The following LIMS1 variants were observed in gnomAD, a reference collection of about 807,000 sequenced individuals.
The protein encoded by LIMS1 is LIM and senescent cell antigen-like-containing domain protein 1.
A neutral mutation model predicts 44.1 loss-of-function variants in LIMS1; 18 were observed. That is an observed-to-expected ratio of 0.41 (90% CI 0.28 to 0.61). LIMS1 has a LOEUF of 0.61. LIMS1 is among the 20% of genes least tolerant of loss of function. LIMS1 has a pLI of 0.32. For missense variants in LIMS1, 201 were observed against 422.0 expected (o/e 0.48, Z 4.59); for synonymous variants, 93 against 149.1 (o/e 0.62, Z 2.74).
At chr2:108,674,573 T>C (rs1692382930) in intron 5 of LIMS1, among the ~76,000 whole-genome samples, 1 of 150,424 alleles carries the variant, frequency 6.6e-6, no homozygotes, top group South Asian at 2.1e-4. Flanking sequence ...ATAAAAAAAT[T>C]AGCCAGGCGT....
chr2:108,602,371 AG>A lies in LIMS1; in HGVS notation c.33-57233del, dbSNP rs1324042376. Among the ~76,000 whole-genome samples, 6 of 152,338 alleles carry A rather than the reference AG, an allele frequency of 3.9e-5. No individual in the cohort carries two copies. In the East Asian group the frequency reaches 9.6e-4, roughly 24 times the overall value. On this transcript the variant is annotated intron_variant, in intron 1 of 9. Coordinates refer to ENST00000544547, the Ensembl canonical transcript of LIMS1. ...AAAGTGGGCATCCTTGTCGTGTTCCAGATTTTAGAGCAAAGGCTTTCAGTTT... is the reference window on the plus strand; with the variant it reads ...AAAGTGGGCATCCTTGTCGTGTTCCAATTTTAGAGCAAAGGCTTTCAGTTT...
intron 1 of LIMS1, among the ~76,000 whole-genome samples, chr2:108,646,958 T>C: frequency 6.6e-6 from 1 of 152,264 alleles, no homozygotes; most frequent in Non-Finnish European, 1.5e-5. Flanking sequence ...CCTGATCTCG[T>C]GATCCGCCCG....
chr2:108,633,746 G>A (rs773837008), intron 1 of LIMS1, among the ~76,000 whole-genome samples: 10 of 152,218 alleles, frequency 6.6e-5, no homozygotes, highest in Non-Finnish European at 1.2e-4. Context: ...AATCCCTGGC[G>A]ACAGTGCTGT....
chr2:108,662,302 G>C, intron 2 of LIMS1: 1 of 1,611,930 alleles, frequency 6.2e-7, no homozygotes. Context: ...CCGCATTTAG[G>C]CCCTGTCAGC....
intron 1 of LIMS1, among the ~76,000 whole-genome samples, chr2:108,618,388 C>T (rs1688042494): frequency 6.6e-6 from 1 of 152,138 alleles, no homozygotes; most frequent in Non-Finnish European, 1.5e-5. Context: ...TAGATGGGGA[C>T]TCCTCCCTGT....
chr2:108,677,463 C>G (rs1424987153), intron 7 of LIMS1: 1 of 160,374 alleles, frequency 6.2e-6, no homozygotes, highest in Non-Finnish European at 1.3e-5. Context: ...CTGATAACAT[C>G]ACTGTGAATT....
intron 2 of LIMS1, 155 bp downstream of exon 2, chr2:108,659,919 G>A: frequency 5.0e-6 from 4 of 795,092 alleles, no homozygotes; most frequent in South Asian, 3.5e-5. Flanking sequence ...GAGGTCAGAG[G>A]TGGCATCTCT....
At chr2:108,644,670 G>T (rs1188849247) in intron 1 of LIMS1, among the ~76,000 whole-genome samples, 1 of 152,114 alleles carries the variant, frequency 6.6e-6, no homozygotes, top group Non-Finnish European at 1.5e-5. Flanking sequence ...ACAGGAGTAG[G>T]CTTCAGAAGG....
At chr2:108,596,695 T>C (rs1476037243) in intron 1 of LIMS1, among the ~76,000 whole-genome samples, 4 of 152,246 alleles carry the variant, frequency 2.6e-5, no homozygotes, top group Non-Finnish European at 5.9e-5. Flanking sequence ...TGGTGGTGCA[T>C]GCCTGTAATC....
At chr2:108,665,540 T>A (rs930662356) in intron 2 of LIMS1, among the ~76,000 whole-genome samples, 1 of 152,168 alleles carries the variant, frequency 6.6e-6, no homozygotes, top group Non-Finnish European at 1.5e-5. Context: ...TTATTTATTT[T>A]TTTTGAGACA....
At chr2:108,590,061 G>A (rs1022633901) in intron 1 of LIMS1, among the ~76,000 whole-genome samples, 1 of 152,114 alleles carries the variant, frequency 6.6e-6, no homozygotes, top group Non-Finnish European at 1.5e-5. Context: ...TTTATTAAGG[G>A]GTGATTATTT....
chr2:108,644,467 G>A (rs943352477), intron 1 of LIMS1, among the ~76,000 whole-genome samples: 10 of 152,198 alleles, frequency 6.6e-5, no homozygotes, highest in South Asian at 2.1e-4. Context: ...CAAAAATGAC[G>A]TCCACTCAGA....
chr2:108,539,979 C>T (rs1396123720), intron 1 of LIMS1, among the ~76,000 whole-genome samples: 2 of 151,392 alleles, frequency 1.3e-5, no homozygotes, highest in Non-Finnish European at 2.9e-5. Context: ...CCTTTTCACC[C>T]TGGTTCTGAA....
At chr2:108,620,080 T>C (rs997390192) in intron 1 of LIMS1, among the ~76,000 whole-genome samples, 1 of 152,226 alleles carries the variant, frequency 6.6e-6, no homozygotes, top group Admixed American at 6.5e-5. Flanking sequence ...TCATTTGTTT[T>C]TCCTGGGGCC....
rs199997523 is a variant in LIMS1 at position 108,591,460 on chromosome 2, T to A, written c.32+56866T>A. 1.1e-4 allele frequency among the ~76,000 whole-genome samples: 17 copies of A among 151,708 alleles called. No individual in the cohort carries two copies. In the East Asian group the frequency reaches 1.2e-3, roughly 10 times the overall value. On this transcript the variant is annotated intron_variant, in intron 1 of 9. Transcript: ENST00000544547. ...AGGAAGCCTTCAGTGAAACTTTTTTTAAAAAAAAATTGATTGATTGACAAG... is the reference window on the plus strand; with the variant it reads ...AGGAAGCCTTCAGTGAAACTTTTTTAAAAAAAAAATTGATTGATTGACAAG...
chr2:108,571,277 T>A (rs1001109415), intron 1 of LIMS1, among the ~76,000 whole-genome samples: 2 of 152,192 alleles, frequency 1.3e-5, no homozygotes, highest in African/African-American at 2.4e-5. Flanking sequence ...AGAAGGAAGA[T>A]CTTTTTAAGG....
intron 1 of LIMS1, among the ~76,000 whole-genome samples, chr2:108,639,329 G>A (rs1689503369): frequency 1.3e-5 from 2 of 152,194 alleles, no homozygotes; most frequent in Non-Finnish European, 2.9e-5. Flanking sequence ...CCAGAAAATC[G>A]TATGTCCTTT....
chr2:108,685,969 G>T (rs1454378116), exon 10 of LIMS1: 1 of 152,158 alleles, frequency 6.6e-6, no homozygotes, highest in African/African-American at 2.4e-5. Context: ...TACATATCAG[G>T]CATACCCAGG....
intron 5 of LIMS1, chr2:108,673,398 C>A: frequency 3.2e-6 from 1 of 313,252 alleles, no homozygotes; most frequent in Non-Finnish European, 6.0e-6. Flanking sequence ...TTTTTTTTTG[C>A]CTTGAGACAG....
Sources: gnomAD v4.1 joint callset for allele counts (sites outside exome capture counted in the v4.1 genomes callset) on GRCh38, gnomAD v4.1.1 for gene constraint, MANE v1.5 for transcripts, NCBI Gene and HGNC (gene_info 2026-07-23, HGNC 2026-07-21) for gene names.